Variants in MLLT3 observed in about 807,000 individuals in gnomAD.
MLLT3 encodes MLLT3 super elongation complex subunit.
A neutral mutation model predicts 53.2 loss-of-function variants in MLLT3; 4 were observed. That is an observed-to-expected ratio of 0.08 (90% confidence interval 0.04 to 0.17). MLLT3 has a LOEUF of 0.17. MLLT3 is among the 10% of genes least tolerant of loss of function. The probability of loss-of-function intolerance (pLI) is 1.00; values close to 1 mark genes in which losing one functional copy is unlikely to be tolerated. For synonymous variants in MLLT3, 283 were observed against 230.6 expected (o/e 1.23, Z -2.06); for missense variants, 569 against 684.0 (o/e 0.83, Z 1.87).
At chr9:20,392,684 A>G (rs1586914559) in intron 5 of MLLT3, among the ~76,000 whole-genome samples, 1 of 152,312 alleles carries the variant, frequency 6.6e-6, no homozygotes, top group East Asian at 1.9e-4. Flanking sequence ...TTACTGGTGA[A>G]CACAGCTTCC....
chr9:20,565,976 A>ATATATATTTATATATATATATATTTATT (rs1819359745), intron 2 of MLLT3, among the ~76,000 whole-genome samples: 1 of 118,736 alleles, frequency 8.4e-6, no homozygotes, highest in African/African-American at 3.3e-5. Flanking sequence ...ATTTATATAT[A>ATATATATTTATATATATATATATTTATT]TATATATTTA....
At chr9:20,361,221 C>G (rs1304871579) in intron 7 of MLLT3, among the ~76,000 whole-genome samples, 1 of 152,166 alleles carries the variant, frequency 6.6e-6, no homozygotes, top group Non-Finnish European at 1.5e-5. Context: ...CTCCTGCTCT[C>G]CCTACCTACT....
At chr9:20,591,259 C>G (rs549140907) in intron 2 of MLLT3, among the ~76,000 whole-genome samples, 19 of 152,164 alleles carry the variant, frequency 1.2e-4, no homozygotes, top group Non-Finnish European at 2.8e-4. Context: ...CCTGCCACTA[C>G]TGTACAGCAG....
In MLLT3 at chr9:20,342,447, C is replaced by T. The variant is rs1286648552; in HGVS notation, c.*3996G>A. The stretch of plus-strand genomic sequence containing the variant: ...ACTGTTAATCTCAATAATACATTTT[C>T]ACTTAATTTATTTTTGCACTGCATG... On this transcript the variant is annotated 3_prime_UTR_variant, in exon 11 of 11. Transcript: ENST00000380338. The T allele has an allele frequency of 4.5e-6, 1 of 222,220 alleles. No homozygotes were observed. The highest frequency in any genetic ancestry group is 2.2e-5 in the African/African-American group (1 of 44,644). 13.8% of individuals were successfully genotyped at this position (222,220 alleles called of 1,614,324 possible). A position where few individuals can be genotyped will look rare whatever the true frequency, so the allele number is the denominator to read the frequency against.
intron 2 of MLLT3, among the ~76,000 whole-genome samples, chr9:20,525,293 T>C (rs1163519368): frequency 1.3e-5 from 2 of 152,108 alleles, no homozygotes; most frequent in African/African-American, 4.8e-5. Flanking sequence ...GGTCAGGAGT[T>C]TGAGACCAGT....
chr9:20,536,561 T>C (rs1818491070), intron 2 of MLLT3, among the ~76,000 whole-genome samples: 1 of 152,192 alleles, frequency 6.6e-6, no homozygotes, highest in African/African-American at 2.4e-5. Context: ...ATCAGTCTAA[T>C]GAGCCAACTG....
At chr9:20,557,013 T>C (rs1168562166) in intron 2 of MLLT3, among the ~76,000 whole-genome samples, 16 of 152,120 alleles carry the variant, frequency 1.1e-4, no homozygotes, top group Admixed American at 9.8e-4. Context: ...ATGACTACGA[T>C]TCAGAAGAAG....
intron 2 of MLLT3, among the ~76,000 whole-genome samples, chr9:20,516,639 G>A (rs535438721): frequency 2.0e-5 from 3 of 152,232 alleles, no homozygotes; most frequent in Non-Finnish European, 4.4e-5. Flanking sequence ...TCTATGGAGT[G>A]TACAGAATCA....
chr9:20,560,406 T>C (rs934684934), intron 2 of MLLT3, among the ~76,000 whole-genome samples: 9 of 152,208 alleles, frequency 5.9e-5, no homozygotes, highest in African/African-American at 2.2e-4. Flanking sequence ...GCATGATTTA[T>C]ACCAACTATA....
At chr9:20,374,445 T>C (rs1041558726) in intron 5 of MLLT3, among the ~76,000 whole-genome samples, 11 of 152,174 alleles carry the variant, frequency 7.2e-5, no homozygotes, top group African/African-American at 2.7e-4. Context: ...ATTAGATGAG[T>C]GAAATCTATG....
At chr9:20,362,452 T>C (rs752570434) in intron 7 of MLLT3, among the ~76,000 whole-genome samples, 4 of 152,070 alleles carry the variant, frequency 2.6e-5, no homozygotes, top group Non-Finnish European at 4.4e-5. Context: ...ATCAGTTTCC[T>C]TTTTATCAGA....
intron 2 of MLLT3, among the ~76,000 whole-genome samples, chr9:20,560,604 G>A (rs992112921): frequency 1.3e-5 from 2 of 152,206 alleles, no homozygotes; most frequent in African/African-American, 4.8e-5. Context: ...GGGTGTGCCC[G>A]AAAACCTAAT....
intron 2 of MLLT3, among the ~76,000 whole-genome samples, chr9:20,574,263 A>C (rs1028140949): frequency 2.0e-5 from 3 of 152,218 alleles, no homozygotes; most frequent in African/African-American, 7.2e-5. Flanking sequence ...TTAGAGACAC[A>C]ATAAAAGAAG....
rs74944745 is a variant in MLLT3, at chr9:20,516,708, C to A, written c.194-59922G>T. The stretch of plus-strand genomic sequence containing the variant: ...AGCCTCTCCTAACAAGTAGTTACAA[C>A]AATGTAGAAAGATTACATGGGAATG... On this transcript the variant is annotated intron_variant, in intron 2 of 10. Transcript: ENST00000380338. Among the ~76,000 whole-genome samples, 1,569 of 152,276 alleles carry A rather than the reference C, an allele frequency of 0.01. 72 individuals are homozygous for A. The East Asian group carries it at 0.14, about 14-fold the overall frequency.
chr9:20,458,460 A>G (rs1285954862), intron 2 of MLLT3, among the ~76,000 whole-genome samples: 3 of 152,318 alleles, frequency 2.0e-5, no homozygotes, highest in South Asian at 2.1e-4. Flanking sequence ...CAATCTGAAG[A>G]CTAAACAAGG....
At chr9:20,522,898 G>T (rs1489662432) in intron 2 of MLLT3, among the ~76,000 whole-genome samples, 1 of 152,128 alleles carries the variant, frequency 6.6e-6, no homozygotes, top group South Asian at 2.1e-4. Context: ...GGAAGTCGAG[G>T]CTTCAGTGAG....
At chr9:20,480,116 T>G (rs527333695) in intron 2 of MLLT3, among the ~76,000 whole-genome samples, 1 of 152,324 alleles carries the variant, frequency 6.6e-6, no homozygotes, top group Admixed American at 6.5e-5. Context: ...TCATATCCTT[T>G]CTGCCATTGA....
At chr9:20,438,075 G>A (rs1395705965) in intron 4 of MLLT3, among the ~76,000 whole-genome samples, 1 of 152,150 alleles carries the variant, frequency 6.6e-6, no homozygotes, top group African/African-American at 2.4e-5. Context: ...TAAGCTAAAA[G>A]CACAAAGCAG....
intron 2 of MLLT3, among the ~76,000 whole-genome samples, chr9:20,595,629 C>G (rs1277852018): frequency 6.6e-6 from 1 of 152,064 alleles, no homozygotes. Flanking sequence ...ATAGTTAATT[C>G]AAGCTCATCA....
Sources: gnomAD v4.1 joint callset for allele counts (sites outside exome capture counted in the v4.1 genomes callset) on GRCh38, gnomAD v4.1.1 for gene constraint, MANE v1.5 for transcripts, NCBI Gene and HGNC (gene_info 2026-07-23, HGNC 2026-07-21) for gene names.